PDGFRB: variants seen among roughly 807,000 people sequenced by gnomAD.
The protein encoded by PDGFRB is platelet-derived growth factor receptor beta.
Under a neutral mutation model 120.2 loss-of-function variants are expected in PDGFRB, and 42 were observed. The observed-to-expected ratio is 0.35, with a 90% CI of 0.27 to 0.45. The LOEUF is 0.45. PDGFRB is among the 20% of genes least tolerant of loss of function. The pLI is 1.00. For missense variants in PDGFRB, 1,149 were observed against 1,476.3 expected (o/e 0.78, Z 3.63); for synonymous variants, 586 against 606.8 (o/e 0.97, Z 0.50).
At chr5:150,154,865 G>A (rs972743975) in intron 1 of PDGFRB, among the ~76,000 whole-genome samples, 34 of 152,316 alleles carry the variant, frequency 2.2e-4, no homozygotes, top group African/African-American at 7.5e-4. Flanking sequence ...TAGCTGCTGG[G>A]GGTTTAGAAG....
At position 150,114,018 on chromosome 5, in the gene PDGFRB, C is replaced by A. The variant is rs922051720; in HGVS notation, c.*1745G>T. ...TCTTTGGTACCGTATTGAGAACCCACTCTCCCTCCTTGGACCAACTCTGGG... is the reference window on the plus strand; with the variant it reads ...TCTTTGGTACCGTATTGAGAACCCAATCTCCCTCCTTGGACCAACTCTGGG... On this transcript the variant is annotated 3_prime_UTR_variant, in exon 23 of 23. Coordinates refer to ENST00000261799, the MANE Select transcript of PDGFRB (RefSeq NM_002609.4). 11 of 233,564 alleles carry A rather than the reference C, an allele frequency of 4.7e-5. No individual in the cohort carries two copies. The highest frequency in any genetic ancestry group is 1.8e-4 in the African/African-American group (8 of 45,358). 14.5% of individuals were successfully genotyped at this position (233,564 alleles called of 1,614,324 possible). A position where few individuals can be genotyped will look rare whatever the true frequency, so the allele number is the denominator to read the frequency against.
chr5:150,130,604 G>A lies in PDGFRB; in HGVS notation c.1302C>T (p.Val434=). 6.2e-7 allele frequency: 1 copy of A among 1,612,766 alleles called. No individual in the cohort carries two copies. Among genetic ancestry groups the A allele is most frequent in the Non-Finnish European group, 8.5e-7 (1 of 1,179,580 alleles). Residue 434 remains valine, a synonymous_variant, in exon 9 of 23, where the codon GTC becomes GTT. Transcript: ENST00000261799. ...GGGGCATGCCCCGGCCACGACAGCGGACTGTCTGTTCCCCACTGTCAGGGT... is the reference window on the plus strand; with the variant it reads ...GGGGCATGCCCCGGCCACGACAGCGAACTGTCTGTTCCCCACTGTCAGGGT... ...ESHPDSGEQT[V]RCRGRGMPQP...
Position 150,121,197 on chromosome 5 carries a change from C to T in PDGFRB, c.2463+7G>A, listed in dbSNP as rs764442131. On this transcript the variant is annotated splice_region_variant and intron_variant, in intron 17 of 22. Coordinates refer to ENST00000261799, the MANE Select transcript of PDGFRB (RefSeq NM_002609.4). The surrounding 1 kb of genome is among the most constrained non-coding windows in gnomAD (Gnocchi z 4.1). The stretch of plus-strand genomic sequence containing the variant: ...CCCCCACTCTGCCCCACCAACACCA[C>T]ACGTACGTTCTTGGAGGCCAGAAAC... 1 of 1,448,942 alleles carries T rather than the reference C, an allele frequency of 6.9e-7. No homozygotes were observed. Among genetic ancestry groups the T allele is most frequent in the Non-Finnish European group, 9.7e-7 (1 of 1,029,110 alleles). The allele number at this position is 1,448,942 out of a possible 1,614,324, so 89.8% of individuals were successfully genotyped here. A position where few individuals can be genotyped will look rare whatever the true frequency, so the allele number is the denominator to read the frequency against.
At chr5:150,146,752 ACTGT>A (rs1441134010) in intron 1 of PDGFRB, among the ~76,000 whole-genome samples, 5 of 152,240 alleles carry the variant, frequency 3.3e-5, no homozygotes, top group Admixed American at 1.3e-4. Flanking sequence ...GTCATGCCAG[ACTGT>A]CTGTCTCCTG....
rs1303620698 is a variant in PDGFRB, at chr5:150,123,045, G to A, written c.2180C>T (p.Pro727Leu). Reference sequence around the variant, plus strand: ...TCCCTGGCCTCCCTCCTGGTACCTGGGCAGGGGGAGCCCAACGGGCAGAGC... The same window carrying A: ...TCCCTGGCCTCCCTCCTGGTACCTGAGCAGGGGGAGCCCAACGGGCAGAGC... Reference protein sequence around the residue: ...SNALPVGLPLPSHVSLTGESD... With the variant: ...SNALPVGLPLLSHVSLTGESD... Residue 727 changes from proline to leucine, a missense_variant, in exon 15 of 23, where the codon CCC becomes CTC. By Grantham distance (98) the Pro-to-Leu change is moderately conservative. Around this residue, in one of 3 missense-constraint regions of PDGFRB, gnomAD observed 879 missense variants for 1,108.6 expected, o/e 0.79. Transcript: ENST00000261799. 1 of 1,612,580 alleles carries A rather than the reference G, an allele frequency of 6.2e-7. No homozygotes were observed. Among genetic ancestry groups the A allele is most frequent in the Non-Finnish European group, 8.5e-7 (1 of 1,179,682 alleles).
At chr5:150,128,210 A>G (rs1428618090) in intron 10 of PDGFRB, among the ~76,000 whole-genome samples, 2 of 152,226 alleles carry the variant, frequency 1.3e-5, no homozygotes, top group African/African-American at 4.8e-5. Flanking sequence ...GTCACACAAA[A>G]GTGTCACATC....
chr5:150,117,478 T>G (rs908859888), intron 22 of PDGFRB, 140 bp downstream of exon 22: 2 of 573,588 alleles, frequency 3.5e-6, no homozygotes, highest in Non-Finnish European at 6.2e-6. Context: ...TATTCATTGG[T>G]AGGGATAAGT....
At position 150,129,741 on chromosome 5, in the gene PDGFRB, G is replaced by A. The variant is rs962949835; in HGVS notation, c.1579+16C>T. The A allele has an allele frequency of 6.2e-7, 1 of 1,602,250 alleles. No homozygotes were observed. The highest frequency in any genetic ancestry group is 8.5e-7 in the Non-Finnish European group (1 of 1,171,600). The stretch of plus-strand genomic sequence containing the variant: ...GGGATTGGGATCGTCAGGGGCCACT[G>A]AGGCTGGGGACTCACAGTGTGGCAC... On this transcript the variant is annotated intron_variant, in intron 10 of 22. Transcript: ENST00000261799.
chr5:150,131,887 C>T, intron 8 of PDGFRB, 92 bp downstream of exon 8: 1 of 662,708 alleles, frequency 1.5e-6, no homozygotes, highest in African/African-American at 1.8e-5. Flanking sequence ...TCTCCCACTC[C>T]TCCCATGGGT....
intron 1 of PDGFRB, among the ~76,000 whole-genome samples, chr5:150,151,678 G>A (rs547611944): frequency 2.3e-4 from 35 of 152,012 alleles, no homozygotes; most frequent in Admixed American, 1.7e-3. Context: ...TGGCCAACAC[G>A]GTGAAACCCC....
Position 150,121,770 on chromosome 5 carries a change from T to C in PDGFRB, c.2344+110A>G, listed in dbSNP as rs1760143337. ...GGTGGCTAGCCTCAATTTCTACATC[T>C]ATGAAATGGGCACGAGGCTCCCTTC... On this transcript the variant is annotated intron_variant, in intron 16 of 22. Transcript: ENST00000261799. This position sits in a 1 kb window ranked among gnomAD's most constrained non-coding sequence, Gnocchi z 4.1. 2 of 853,252 alleles carry C rather than the reference T, an allele frequency of 2.3e-6. No homozygotes were observed. Among genetic ancestry groups the C allele is most frequent in the Non-Finnish European group, 3.8e-6 (2 of 525,654 alleles). 52.9% of individuals were successfully genotyped at this position (853,252 alleles called of 1,614,324 possible).
Position 150,120,849 on chromosome 5 carries a change from C to T in PDGFRB, c.2586+39G>A. 6.3e-7 allele frequency: 1 copy of T among 1,597,942 alleles called. No homozygotes were observed. ...GGGAATCTGTTCCTGCGGTCACAGG[C>T]ACTGTGACTGCCCTGCAGGGGCCAG... is the stretch of plus-strand genomic sequence containing the variant. On this transcript the variant is annotated intron_variant, in intron 18 of 22. Coordinates refer to ENST00000261799, the MANE Select transcript of PDGFRB (RefSeq NM_002609.4). This position sits in a 1 kb window ranked among gnomAD's most constrained non-coding sequence, Gnocchi z 4.3.
Position 150,132,659 on chromosome 5 carries a change from G to A in PDGFRB, c.1127+91C>T. 1 of 1,246,810 alleles carries A rather than the reference G, an allele frequency of 8.0e-7. No individual in the cohort carries two copies. 77.2% of individuals were successfully genotyped at this position (1,246,810 alleles called of 1,614,324 possible). On this transcript the variant is annotated intron_variant, in intron 7 of 22. Transcript: ENST00000261799. The surrounding 1 kb of genome is among the most constrained non-coding windows in gnomAD (Gnocchi z 5.0). ...GCACCTAATATGCTCTCAGAAAGCT[G>A]GGCCTAGGTTTGTGGCTGAAAGCCG...
rs916152889 is a variant in PDGFRB at position 150,118,682 on chromosome 5, G to A, written c.2904+65C>T. 2.4e-5 allele frequency: 23 copies of A among 970,102 alleles called. No homozygotes were observed. In the East Asian group the frequency reaches 2.6e-4, roughly 11 times the overall value. 60.1% of individuals were successfully genotyped at this position (970,102 alleles called of 1,614,324 possible). On this transcript the variant is annotated intron_variant, in intron 21 of 22. Transcript: ENST00000261799. ...ATGCCAGCCCATCACGCAGAGCCTT[G>A]TACTCGGTGTCTGACTTCTGCACCA...
intron 1 of PDGFRB, among the ~76,000 whole-genome samples, chr5:150,141,983 T>C (rs1231579090): frequency 2.0e-5 from 3 of 147,692 alleles, no homozygotes; most frequent in Non-Finnish European, 4.5e-5. Context: ...GAGAGGGGGG[T>C]GCTGGGGGCA....
intron 1 of PDGFRB, among the ~76,000 whole-genome samples, chr5:150,142,705 ATACT>A (rs1760816493): frequency 6.6e-6 from 1 of 152,224 alleles, no homozygotes; most frequent in Non-Finnish European, 1.5e-5. Context: ...AACCCCATAC[ATACT>A]ATGTTCTTTT....
chr5:150,138,588 TCTC>T (rs200150545), intron 1 of PDGFRB, among the ~76,000 whole-genome samples: 1,735 of 152,186 alleles, frequency 0.011, 18 homozygotes, highest in Non-Finnish European at 0.018. Context: ...TGCCTGAAGG[TCTC>T]CTCGTTTCTT....
rs750983870 is a variant in PDGFRB at position 150,115,844 on chromosome 5, C to T, written c.3240G>A (p.Val1080=). The part of the protein sequence containing the change: ...PEPEPQLELQ[V]EPEPELEQLP... ...ACTGTTCCAGCTCTGGCTCCGGCTC[C>T]ACCTGGAGCTCAAGCTGGGGCTCTG... Residue 1080 remains valine, a synonymous_variant, in exon 23 of 23, where the codon GTG becomes GTA. Transcript: ENST00000261799. 2 of 1,612,606 alleles carry T rather than the reference C, an allele frequency of 1.2e-6. No homozygotes were observed. Among genetic ancestry groups the T allele is most frequent in the Non-Finnish European group, 1.7e-6 (2 of 1,179,010 alleles).
chr5:150,134,507 C>A (rs1311572835), intron 4 of PDGFRB, among the ~76,000 whole-genome samples: 1 of 152,224 alleles, frequency 6.6e-6, no homozygotes, highest in African/African-American at 2.4e-5. Context: ...GTGCCCTCAC[C>A]GACCATGTTG....
Sources: allele counts gnomAD v4.1 joint callset (sites outside exome capture counted in the v4.1 genomes callset), GRCh38; gene constraint gnomAD v4.1.1; regional missense constraint gnomAD v4.1.1; non-coding constraint Gnocchi (gnomAD v3.1); transcripts MANE v1.5; gene names NCBI Gene and HGNC (gene_info 2026-07-23, HGNC 2026-07-21).